Variants in CSMD3 observed in about 807,000 individuals in gnomAD.
CSMD3 encodes the protein CUB and Sushi multiple domains 3.
Under a neutral mutation model 435.2 loss-of-function variants are expected in CSMD3, and 177 were observed. That is an observed-to-expected ratio of 0.41 (90% CI 0.36 to 0.46). The LOEUF (loss-of-function observed/expected upper bound fraction) is 0.46. CSMD3 is among the 20% of genes least tolerant of loss of function. CSMD3 has a pLI of 0.34. For missense variants in CSMD3, 4,265 were observed against 4,504.6 expected, an observed-to-expected ratio of 0.95 and a Z score of 1.52; for synonymous variants, 1,656 against 1,520.5, an observed-to-expected ratio of 1.09 and a Z score of -2.07.
chr8:112,453,536 C>A (rs1000189951), intron 32 of CSMD3, among the ~76,000 whole-genome samples: 4 of 152,000 alleles, frequency 2.6e-5, no homozygotes. Flanking sequence ...AAATAAAATA[C>A]CTAGAAATAA....
At chr8:112,755,448 C>T (rs867601598) in intron 13 of CSMD3, among the ~76,000 whole-genome samples, 41 of 151,454 alleles carry the variant, frequency 2.7e-4, no homozygotes, top group Middle Eastern at 6.9e-3. Context: ...AGAGTCTTTT[C>T]CCCCACTTCG....
At chr8:113,238,109 C>A (rs976351834) in intron 3 of CSMD3, among the ~76,000 whole-genome samples, 2 of 149,188 alleles carry the variant, frequency 1.3e-5, no homozygotes, top group Admixed American at 1.3e-4. Context: ...GGAGTACTGG[C>A]TAGAGTGATG....
intron 9 of CSMD3, among the ~76,000 whole-genome samples, chr8:112,946,030 C>T (rs1328480418): frequency 2.0e-5 from 3 of 151,730 alleles, no homozygotes; most frequent in Non-Finnish European, 2.9e-5. Context: ...GTGATTACAA[C>T]TGAATGGCTT....
intron 61 of CSMD3, among the ~76,000 whole-genome samples, chr8:112,262,562 G>C (rs1291326666): frequency 6.6e-6 from 1 of 152,052 alleles, no homozygotes; most frequent in East Asian, 1.9e-4. Context: ...AGCCTGGAAG[G>C]GAAGTGTTAT....
At position 112,997,069 on chromosome 8, in the gene CSMD3, G is replaced by GAGAAA. The variant is rs150820836; in HGVS notation, c.1031-20926_1031-20922dup. On this transcript the variant is annotated intron_variant, in intron 6 of 70. Transcript: ENST00000297405. ...GCTGTACTTATTAATTTGTAAAATG[G>GAGAAA]AGAAAAGTAACCACATCATAAGTTG... Among the ~76,000 whole-genome samples, 1,003 of 151,612 alleles carry GAGAAA rather than the reference G, an allele frequency of 6.6e-3. 11 individuals carry two copies. The highest frequency in any genetic ancestry group is 0.023 in the African/African-American group (961 of 41,458).
rs2131254812 is a variant in CSMD3 at position 112,383,606 on chromosome 8, C to G, written c.5992G>C (p.Gly1998Arg). 6.2e-7 allele frequency: 1 copy of G among 1,608,054 alleles called. No homozygotes were observed. Among genetic ancestry groups the G allele is most frequent in the Non-Finnish European group, 8.5e-7 (1 of 1,174,698 alleles). The change falls in exon 37 of 71, where the codon GGG becomes CGG. Residue 1998 changes from glycine to arginine, a missense_variant. Physicochemically the swap from Gly to Arg is moderately radical, Grantham distance 125. This residue lies in a region of CSMD3 where 3,255 missense variants were observed against 3,380.2 expected (regional missense o/e 0.96). Transcript: ENST00000297405. ...AGTCTTGGAGCATTGTTGTCTCCCC[C>G]ATCATAAAAGTCCAGAGAATCCCAA... ...HNWDSLDFYD[G>R]GDNNAPRLGS...
chr8:112,757,050 T>C (rs2077717709), intron 13 of CSMD3, among the ~76,000 whole-genome samples: 1 of 152,068 alleles, frequency 6.6e-6, no homozygotes. Flanking sequence ...ATTACTGGCA[T>C]GAGCTACTGT....
intron 38 of CSMD3, among the ~76,000 whole-genome samples, chr8:112,356,545 A>G (rs1826624159): frequency 6.6e-6 from 1 of 151,732 alleles, no homozygotes; most frequent in African/African-American, 2.4e-5. Context: ...TTGAAAATCT[A>G]TGAGTACTGA....
intron 4 of CSMD3, among the ~76,000 whole-genome samples, chr8:113,105,575 G>T (rs575373817): frequency 9.4e-4 from 143 of 152,206 alleles, no homozygotes; most frequent in African/African-American, 3.4e-3. Flanking sequence ...AAGATGAATG[G>T]TTCCAACAAA....
At chr8:112,679,327 G>C (rs1210891424) in intron 16 of CSMD3, among the ~76,000 whole-genome samples, 6 of 152,060 alleles carry the variant, frequency 3.9e-5, no homozygotes, top group Non-Finnish European at 7.4e-5. Context: ...AACCTGGCAA[G>C]GGCCACCCTA....
At chr8:112,889,909 A>G (rs2081732854) in intron 10 of CSMD3, among the ~76,000 whole-genome samples, 1 of 151,564 alleles carries the variant, frequency 6.6e-6, no homozygotes, top group African/African-American at 2.4e-5. Context: ...AGTGTTCCCC[A>G]TGTAAGATTC....
chr8:112,405,028 A>T (rs898270264), intron 35 of CSMD3, among the ~76,000 whole-genome samples: 3 of 150,360 alleles, frequency 2.0e-5, no homozygotes, highest in African/African-American at 7.4e-5. Flanking sequence ...ATTTTGTAAA[A>T]ATACAAAAAT....
intron 2 of CSMD3, among the ~76,000 whole-genome samples, chr8:113,294,787 T>G (rs567900513): frequency 6.6e-6 from 1 of 152,232 alleles, no homozygotes; most frequent in South Asian, 2.1e-4. Flanking sequence ...GACATTCACC[T>G]TAATAAAGGA....
At chr8:113,258,275 AG>A (rs2093400046) in intron 3 of CSMD3, among the ~76,000 whole-genome samples, 1 of 152,216 alleles carries the variant, frequency 6.6e-6, no homozygotes, top group Non-Finnish European at 1.5e-5. Flanking sequence ...CATTTTTACT[AG>A]TAGAACGAGA....
At chr8:112,414,922 G>A (rs1322676491) in intron 32 of CSMD3, among the ~76,000 whole-genome samples, 2 of 152,126 alleles carry the variant, frequency 1.3e-5, no homozygotes, top group Non-Finnish European at 2.9e-5. Context: ...ATGATTTAAG[G>A]TATCTGGCAG....
intron 49 of CSMD3, among the ~76,000 whole-genome samples, chr8:112,313,545 A>G (rs183983885): frequency 8.5e-5 from 13 of 152,150 alleles, no homozygotes; most frequent in Admixed American, 6.5e-4. Flanking sequence ...TTAAAGTATT[A>G]AAAATCACAG....
chr8:112,359,259 C>T (rs770741574), intron 38 of CSMD3, among the ~76,000 whole-genome samples: 1 of 152,128 alleles, frequency 6.6e-6, no homozygotes, highest in Non-Finnish European at 1.5e-5. Flanking sequence ...AATGATAATG[C>T]TTTATATGTA....
intron 4 of CSMD3, among the ~76,000 whole-genome samples, chr8:113,109,829 T>C (rs1170780134): frequency 6.6e-6 from 1 of 152,208 alleles, no homozygotes; most frequent in Non-Finnish European, 1.5e-5. Flanking sequence ...GGCAGTTTTC[T>C]TTCTGAGTTC....
rs1313958835 is a variant in CSMD3 at position 112,231,616 on chromosome 8, T to C, written c.10757A>G (p.Asp3586Gly). ...TCCTTGAAATACATAAGTAGCTCCA[T>C]CAGGCTCAGCAGAAACCTAAAAATA... is the stretch of plus-strand genomic sequence containing the variant. ...AMDGFVSAEP[D>G]GATYVFQGFI... The change falls in exon 69 of 71, where the codon GAT becomes GGT. Residue 3586 changes from aspartate (D) to glycine (G), a missense_variant. Around this residue, in one of 3 missense-constraint regions of CSMD3, gnomAD observed 3,255 missense variants for 3,380.2 expected, o/e 0.96. Coordinates refer to ENST00000297405, the MANE Select transcript of CSMD3 (RefSeq NM_198123.2). 2 of 1,610,274 alleles carry C rather than the reference T, an allele frequency of 1.2e-6. No homozygotes were observed. The highest frequency in any genetic ancestry group is 1.7e-6 in the Non-Finnish European group (2 of 1,176,844).
Sources: allele counts gnomAD v4.1 joint callset (sites outside exome capture counted in the v4.1 genomes callset), GRCh38; gene constraint gnomAD v4.1.1; regional missense constraint gnomAD v4.1.1; transcripts MANE v1.5; gene names NCBI Gene and HGNC (gene_info 2026-07-23, HGNC 2026-07-21).